The following INPP4B variants were observed in gnomAD, a reference collection of about 807,000 sequenced individuals.
INPP4B encodes the protein inositol polyphosphate 4-phosphatase type II.
A neutral mutation model predicts 122.5 loss-of-function variants in INPP4B; 55 were observed. That is an observed-to-expected ratio of 0.45 (90% CI 0.36 to 0.56). The LOEUF (loss-of-function observed/expected upper bound fraction) is 0.56, where lower values mean the gene tolerates loss of function less well. Among genes scored for constraint, INPP4B ranks in the 20% least tolerant of loss-of-function variants. The pLI, the probability that INPP4B is intolerant of heterozygous loss-of-function variation, is 0.00. For synonymous variants in INPP4B, 403 were observed against 388.7 expected (o/e 1.04, Z -0.43); for missense variants, 1,000 against 1,097.7 (o/e 0.91, Z 1.26).
At chr4:142,657,685 A>C (rs575116315) in intron 2 of INPP4B, among the ~76,000 whole-genome samples, 1 of 152,370 alleles carries the variant, frequency 6.6e-6, no homozygotes, top group Admixed American at 6.5e-5. Flanking sequence ...AACTGTGGAA[A>C]TTAATCTTTC....
intron 2 of INPP4B, among the ~76,000 whole-genome samples, chr4:142,525,581 G>A (rs13145149): frequency 0.28 from 15,235 of 55,324 alleles, 2,695 homozygotes; most frequent in East Asian, 0.81. Context: ...CAGAAATAAC[G>A]CCGCATATCT....
intron 22 of INPP4B, among the ~76,000 whole-genome samples, chr4:142,111,927 A>C (rs531227159): frequency 2.6e-5 from 4 of 151,472 alleles, no homozygotes; most frequent in Non-Finnish European, 5.9e-5. Flanking sequence ...TATTTTTAGT[A>C]GAGACGAGGT....
intron 7 of INPP4B, among the ~76,000 whole-genome samples, chr4:142,395,175 A>G (rs992118359): frequency 6.6e-6 from 1 of 152,216 alleles, no homozygotes; most frequent in African/African-American, 2.4e-5. Context: ...CAGGAACATG[A>G]CAGAAAGGGA....
intron 9 of INPP4B, among the ~76,000 whole-genome samples, chr4:142,273,303 G>A (rs1008135562): frequency 2.6e-5 from 4 of 151,846 alleles, no homozygotes; most frequent in African/African-American, 9.7e-5. Flanking sequence ...TTTTATTAAT[G>A]TATTAAATTA....
chr4:142,508,421 C>G (rs1315443820), intron 2 of INPP4B, among the ~76,000 whole-genome samples: 2 of 152,096 alleles, frequency 1.3e-5, no homozygotes, highest in African/African-American at 4.8e-5. Context: ...CTTACAGGTG[C>G]ATGCTACCAT....
intron 1 of INPP4B, among the ~76,000 whole-genome samples, chr4:142,746,713 T>C (rs1768810176): frequency 6.6e-6 from 1 of 151,836 alleles, no homozygotes; most frequent in South Asian, 2.1e-4. Context: ...TCAGAAATAA[T>C]GTCACACATC....
chr4:142,310,592 T>C (rs1444132587), intron 8 of INPP4B, among the ~76,000 whole-genome samples: 2 of 151,984 alleles, frequency 1.3e-5, no homozygotes, highest in Non-Finnish European at 2.9e-5. Context: ...AAAAGGTCTC[T>C]GAAAAGTTGA....
chr4:142,621,324 G>C (rs1399978058), intron 2 of INPP4B, among the ~76,000 whole-genome samples: 2 of 151,800 alleles, frequency 1.3e-5, no homozygotes, highest in East Asian at 3.9e-4. Flanking sequence ...TCTACTAAAA[G>C]ATTTAGAAAA....
At chr4:142,515,038 T>C (rs2322796) in intron 2 of INPP4B, among the ~76,000 whole-genome samples, 26,958 of 151,876 alleles carry the variant, frequency 0.18, 2,612 homozygotes, top group East Asian at 0.39. Flanking sequence ...TCAGGAAATC[T>C]GCATGCCTCA....
At chr4:142,061,879 CACACACATATATATATATAT>C (rs1477464240) in intron 25 of INPP4B, among the ~76,000 whole-genome samples, 7 of 8,398 alleles carry the variant, frequency 8.3e-4, no homozygotes, top group African/African-American at 1.2e-3. Context: ...CACACACACA[CACACACATATATATATATAT>C]ATATATATAT....
At chr4:142,075,001 A>G (rs545034173) in intron 25 of INPP4B, among the ~76,000 whole-genome samples, 1 of 151,978 alleles carries the variant, frequency 6.6e-6, no homozygotes, top group Non-Finnish European at 1.5e-5. Flanking sequence ...GCCACTTAAT[A>G]ATGAACACTT....
chr4:142,244,118 G>A (rs1037004432), intron 11 of INPP4B, among the ~76,000 whole-genome samples: 2 of 149,734 alleles, frequency 1.3e-5, no homozygotes, highest in African/African-American at 4.9e-5. Flanking sequence ...CTGTCCATGT[G>A]TTCTCACTGT....
At chr4:142,207,855 A>C (rs1470988208) in intron 14 of INPP4B, among the ~76,000 whole-genome samples, 1 of 152,188 alleles carries the variant, frequency 6.6e-6, no homozygotes, top group Non-Finnish European at 1.5e-5. Context: ...ATATGACACC[A>C]TATTGGTCAC....
chr4:142,805,551 C>T (rs983703690), intron 1 of INPP4B, among the ~76,000 whole-genome samples: 2 of 152,128 alleles, frequency 1.3e-5, no homozygotes, highest in African/African-American at 4.8e-5. Context: ...TTTCTTCCAC[C>T]TCTGCCATCC....
intron 12 of INPP4B, among the ~76,000 whole-genome samples, chr4:142,223,204 A>T (rs1171639335): frequency 1.3e-5 from 2 of 152,000 alleles, no homozygotes; most frequent in East Asian, 3.9e-4. Context: ...ACACACACAC[A>T]CACACACACA....
intron 2 of INPP4B, among the ~76,000 whole-genome samples, chr4:142,571,098 A>C (rs767705749): frequency 6.6e-6 from 1 of 151,018 alleles, no homozygotes; most frequent in Non-Finnish European, 1.5e-5. Flanking sequence ...TCAAAAAAAA[A>C]AAAAAAAAAA....
chr4:142,742,003 T>C (rs943682799), intron 1 of INPP4B, among the ~76,000 whole-genome samples: 3 of 151,938 alleles, frequency 2.0e-5, no homozygotes, highest in Admixed American at 1.3e-4. Flanking sequence ...GCAGAATAAA[T>C]AAAAAGAAAT....
At chr4:142,681,825 G>A (rs77373664) in intron 2 of INPP4B, among the ~76,000 whole-genome samples, 5,447 of 151,952 alleles carry the variant, frequency 0.036, 111 homozygotes, top group African/African-American at 0.045. Flanking sequence ...AAATTGTATT[G>A]TATGGCATCC....
intron 2 of INPP4B, among the ~76,000 whole-genome samples, chr4:142,590,525 T>C (rs911760770): frequency 3.9e-5 from 6 of 152,084 alleles, no homozygotes; most frequent in East Asian, 1.9e-4. Flanking sequence ...TATGCCGAAA[T>C]TGAAAAATTA....
Sources: gnomAD v4.1 joint callset for allele counts (sites outside exome capture counted in the v4.1 genomes callset) on GRCh38, gnomAD v4.1.1 for gene constraint, MANE v1.5 for transcripts, NCBI Gene and HGNC (gene_info 2026-07-23, HGNC 2026-07-21) for gene names.